Variants in HPGD observed in about 807,000 individuals in gnomAD.
HPGD encodes 15-hydroxyprostaglandin dehydrogenase [NAD(+)].
A neutral mutation model predicts 30.0 loss-of-function variants in HPGD; 29 were observed. That is an observed-to-expected ratio of 0.97 (90% CI 0.72 to 1.32). The LOEUF (loss-of-function observed/expected upper bound fraction) is 1.32, where lower values mean the gene tolerates loss of function less well. Among genes scored for constraint, HPGD ranks in the 40% most tolerant of loss-of-function variants. HPGD has a pLI of 0.00. For missense variants in HPGD, 340 were observed against 322.1 expected (o/e 1.06, Z -0.43); for synonymous variants, 99 against 112.4 (o/e 0.88, Z 0.75).
At chr4:174,514,260 TCA>T (rs1735657642) in intron 3 of HPGD, among the ~76,000 whole-genome samples, 1 of 152,062 alleles carries the variant, frequency 6.6e-6, no homozygotes, top group African/African-American at 2.4e-5. Context: ...TAGAAGAAGA[TCA>T]CAGAACTGTC....
chr4:174,500,300 A>G (rs1292009019), intron 4 of HPGD, among the ~76,000 whole-genome samples: 2 of 152,252 alleles, frequency 1.3e-5, no homozygotes, highest in Non-Finnish European at 2.9e-5. Context: ...ACTCCAATTC[A>G]TTGCTGGTGC....
At chr4:174,511,707 C>T (rs1017338171) in intron 3 of HPGD, among the ~76,000 whole-genome samples, 2 of 152,088 alleles carry the variant, frequency 1.3e-5, no homozygotes, top group African/African-American at 2.4e-5. Context: ...AGTGCAGTGG[C>T]GCAATCTCGG....
chr4:174,513,821 C>T (rs576152431), intron 3 of HPGD, among the ~76,000 whole-genome samples: 5 of 151,962 alleles, frequency 3.3e-5, no homozygotes, highest in African/African-American at 4.8e-5. Context: ...AATCATCAGA[C>T]AGCAAATCAG....
chr4:174,495,773 GA>G, intron 4 of HPGD, 149 bp from the exon 5 acceptor site: 1 of 686,416 alleles, frequency 1.5e-6, no homozygotes, highest in South Asian at 1.6e-5. Flanking sequence ...ATAGCTTTGT[GA>G]AACTCAGTAG....
intron 4 of HPGD, among the ~76,000 whole-genome samples, chr4:174,504,460 A>G (rs568831009): frequency 6.6e-6 from 1 of 152,274 alleles, no homozygotes; most frequent in East Asian, 1.9e-4. Flanking sequence ...CTGAATATGT[A>G]GCAGGGTTGG....
chr4:174,514,941 T>G (rs1488414070), intron 3 of HPGD, among the ~76,000 whole-genome samples: 1 of 152,088 alleles, frequency 6.6e-6, no homozygotes, highest in East Asian at 1.9e-4. Context: ...ATAAAATACC[T>G]ATGAATACAG....
chr4:174,514,999 A>G (rs1400770979), intron 3 of HPGD, among the ~76,000 whole-genome samples: 1 of 152,078 alleles, frequency 6.6e-6, no homozygotes, highest in African/African-American at 2.4e-5. Context: ...GTAAAACACT[A>G]CTGAAAGGAA....
chr4:174,508,921 T>G, intron 3 of HPGD, 129 bp from the exon 4 acceptor site: 1 of 689,786 alleles, frequency 1.4e-6, no homozygotes, highest in East Asian at 2.7e-5. Context: ...ATGAAAGGTT[T>G]TAAAAGAGCT....
At chr4:174,502,849 C>T (rs1734987411) in intron 4 of HPGD, among the ~76,000 whole-genome samples, 1 of 152,116 alleles carries the variant, frequency 6.6e-6, no homozygotes, top group Non-Finnish European at 1.5e-5. Flanking sequence ...CAGAAGCTCC[C>T]TTACCCATTC....
At position 174,522,439 on chromosome 4, in the gene HPGD, C is replaced by G; in HGVS notation, c.13G>C (p.Gly5Arg). 6.3e-7 allele frequency: 1 copy of G among 1,580,536 alleles called. No homozygotes were observed. Among genetic ancestry groups the G allele is most frequent in the African/African-American group, 1.3e-5 (1 of 74,454 alleles). Residue 5 changes from glycine to arginine, a missense_variant, in exon 1 of 7, where the codon GGC becomes CGC. Coordinates refer to ENST00000296522, the MANE Select transcript of HPGD (RefSeq NM_000860.6). MHVN[G>R]KVALVTGAAQ... ...GCGCCGGTCACCAGCGCCACTTTGC[C>G]GTTCACGTGCATGGTGCAGCCACTG...
intron 4 of HPGD, among the ~76,000 whole-genome samples, chr4:174,504,172 T>G (rs1315933612): frequency 6.6e-6 from 1 of 152,194 alleles, no homozygotes; most frequent in Admixed American, 6.5e-5. Flanking sequence ...AACATATGTT[T>G]GATTAAGTTG....
intron 5 of HPGD, 178 bp downstream of exon 5, chr4:174,495,370 G>T: frequency 1.6e-6 from 1 of 617,288 alleles, no homozygotes; most frequent in Non-Finnish European, 2.9e-6. Context: ...ATTTAAAAAT[G>T]ATCTATTATT....
At chr4:174,497,003 T>C (rs1325846795) in intron 4 of HPGD, among the ~76,000 whole-genome samples, 5 of 152,226 alleles carry the variant, frequency 3.3e-5, no homozygotes, top group South Asian at 2.1e-4. Context: ...AACAAGAATT[T>C]ATGATGTTTC....
chr4:174,520,572 T>C (rs1736051979), intron 2 of HPGD, among the ~76,000 whole-genome samples: 1 of 152,216 alleles, frequency 6.6e-6, no homozygotes, highest in Admixed American at 6.5e-5. Flanking sequence ...GTCTGAGTAT[T>C]TTTCCTCCTC....
intron 2 of HPGD, among the ~76,000 whole-genome samples, chr4:174,519,920 GCCTCC>G (rs1736000993): frequency 6.6e-6 from 1 of 152,088 alleles, no homozygotes; most frequent in African/African-American, 2.4e-5. Context: ...GCCCGCCTCG[GCCTCC>G]CAAACTGCTG....
intron 2 of HPGD, among the ~76,000 whole-genome samples, chr4:174,519,017 A>C (rs1286107665): frequency 6.6e-6 from 1 of 152,224 alleles, no homozygotes; most frequent in Non-Finnish European, 1.5e-5. Context: ...CATAAGCTTT[A>C]TTTTGATTGA....
chr4:174,522,464 G>C lies in HPGD; in HGVS notation c.-13C>G. ...CGTTCACGTGCATGGTGCAGCCACT[G>C]CTGGGGCGGGCGGTGGGCGAGCTCC... On this transcript the variant is annotated 5_prime_UTR_variant, in exon 1 of 7. Transcript: ENST00000296522. 6.5e-7 allele frequency: 1 copy of C among 1,545,342 alleles called. No homozygotes were observed. The highest frequency in any genetic ancestry group is 2.4e-5 in the East Asian group (1 of 41,436).
In HPGD at chr4:174,496,133, C is replaced by T. The variant is rs1158326734; in HGVS notation, c.422-509G>A. Among the ~76,000 whole-genome samples the T allele has an allele frequency of 6.6e-6, 1 of 152,130 alleles. No individual in the cohort carries two copies. Among genetic ancestry groups the T allele is most frequent in the Non-Finnish European group, 1.5e-5 (1 of 68,020 alleles). ...TGTCACCAATCTGTCTTGAACAATG[C>T]CTCCAAAAGTTTAAGAAAATTAAAA... On this transcript the variant is annotated intron_variant, in intron 4 of 6. Transcript: ENST00000296522. This position sits in a 1 kb window ranked among gnomAD's most constrained non-coding sequence, Gnocchi z 4.6.
chr4:174,522,360 T>A lies in HPGD; in HGVS notation c.92A>T (p.Lys31Met). 1 of 1,560,706 alleles carries A rather than the reference T, an allele frequency of 6.4e-7. No individual in the cohort carries two copies. ...TCCGCGGCTGGGCGCCGGGCTTACC[T>A]TGGCGCCCTTAAGCAGCAGCGCCTC... ...FAEALLLKGA[K>M]VALVDWNLEA... is the part of the protein sequence containing the mutation. The change falls in exon 1 of 7, where the codon AAG becomes ATG. Residue 31 changes from lysine (K) to methionine (M), a missense_variant and splice_region_variant. Physicochemically the swap from Lys to Met is moderately conservative, Grantham distance 95. Transcript: ENST00000296522.
Sources: gnomAD v4.1 joint callset for allele counts (sites outside exome capture counted in the v4.1 genomes callset) on GRCh38, gnomAD v4.1.1 for gene constraint, Gnocchi (gnomAD v3.1) non-coding constraint, MANE v1.5 for transcripts, NCBI Gene and HGNC (gene_info 2026-07-23, HGNC 2026-07-21) for gene names.